Variants in CASTOR2 observed in about 807,000 individuals in gnomAD.
The protein encoded by CASTOR2 is cytosolic arginine sensor for mTORC1 subunit 2, also known as GATS protein like 2.
Under a neutral mutation model 31.2 loss-of-function variants are expected in CASTOR2, and 8 were observed. The observed-to-expected ratio is 0.26, with a 90% CI of 0.15 to 0.46. The LOEUF is 0.46. CASTOR2 is among the 20% of genes least tolerant of loss of function. The pLI, the probability that CASTOR2 is intolerant of heterozygous loss-of-function variation, is 0.99. For synonymous variants in CASTOR2, 162 were observed against 158.7 expected, an observed-to-expected ratio of 1.02 and a Z score of -0.16; for missense variants, 216 against 382.1, an observed-to-expected ratio of 0.57 and a Z score of 3.62.
chr7:75,025,839 G>A lies in CASTOR2; in HGVS notation c.*1140G>A, dbSNP rs1037565904. Among the ~76,000 whole-genome samples, 68 of 152,366 alleles carry A rather than the reference G, an allele frequency of 4.5e-4. 1 individual carries two copies. The highest frequency in any genetic ancestry group is 2.1e-3 in the Admixed American group (32 of 15,306). On this transcript the variant is annotated 3_prime_UTR_variant, in exon 9 of 9. Transcript: ENST00000616305. The stretch of plus-strand genomic sequence containing the variant: ...TCTGTCAAGGGAGCCTGGAGGCTCT[G>A]TGTCACTAAGCTGGTGCTCTGTGGC...
intron 1 of CASTOR2, among the ~76,000 whole-genome samples, chr7:75,004,163 G>A (rs1804559157): frequency 6.6e-6 from 1 of 152,176 alleles, no homozygotes; most frequent in African/African-American, 2.4e-5. Flanking sequence ...GTGACTGTGG[G>A]AGTCCAGGGC....
At chr7:75,020,564 C>T (rs1804971574) in intron 6 of CASTOR2, among the ~76,000 whole-genome samples, 1 of 151,398 alleles carries the variant, frequency 6.6e-6, no homozygotes, top group Non-Finnish European at 1.5e-5. Context: ...TATCTCGGCT[C>T]ACTGCAAGCT....
chr7:75,020,228 C>A (rs2131955934), intron 6 of CASTOR2, 79 bp downstream of exon 6: 2 of 1,260,838 alleles, frequency 1.6e-6, no homozygotes, highest in Non-Finnish European at 2.2e-6. Context: ...GCACATCACC[C>A]ACTTTGTCTT....
At position 75,029,288 on chromosome 7, in the gene CASTOR2, C is replaced by T. The variant is rs1044376902; in HGVS notation, c.*4589C>T. Among the ~76,000 whole-genome samples, 13 of 152,090 alleles carry T rather than the reference C, an allele frequency of 8.5e-5. No individual in the cohort carries two copies. Among genetic ancestry groups the T allele is most frequent in the Non-Finnish European group, 1.9e-4 (13 of 68,012 alleles). On this transcript the variant is annotated 3_prime_UTR_variant, in exon 9 of 9. Transcript: ENST00000616305. ...CCTAGAGATCTGGATGTGGTGACAA[C>T]CAGGGCTTTTCCCAGCCCCAGCTAA...
intron 1 of CASTOR2, among the ~76,000 whole-genome samples, chr7:75,001,215 T>C (rs1804487129): frequency 1.3e-5 from 2 of 152,098 alleles, no homozygotes; most frequent in Admixed American, 1.3e-4. Flanking sequence ...TAGCTGAGAC[T>C]ACAGGGGCAC....
rs994116918 is a variant in CASTOR2, at chr7:75,029,727, G to A, written c.*5028G>A. Among the ~76,000 whole-genome samples, 12 of 152,164 alleles carry A rather than the reference G, an allele frequency of 7.9e-5. No individual in the cohort carries two copies. The highest frequency in any genetic ancestry group is 2.6e-4 in the Admixed American group (4 of 15,266). ...CACCCCCAACCTTCTAGTCCGCTCC[G>A]AGCAGGGCCTGGAGCATTGGAGACA... is the stretch of plus-strand genomic sequence containing the variant. On this transcript the variant is annotated 3_prime_UTR_variant, in exon 9 of 9. Coordinates refer to ENST00000616305, the MANE Select transcript of CASTOR2 (RefSeq NM_001145064.3).
intron 2 of CASTOR2, among the ~76,000 whole-genome samples, chr7:75,013,289 G>A (rs1459114366): frequency 6.6e-6 from 1 of 152,184 alleles, no homozygotes; most frequent in Non-Finnish European, 1.5e-5. Flanking sequence ...TCCTGGGAGG[G>A]CAGGGGATGG....
At position 75,026,803 on chromosome 7, in the gene CASTOR2, A is replaced by AT. The variant is rs1805147393; in HGVS notation, c.*2108dup. Among the ~76,000 whole-genome samples, 2 of 151,662 alleles carry AT rather than the reference A, an allele frequency of 1.3e-5. No individual in the cohort carries two copies. The highest frequency in any genetic ancestry group is 2.4e-5 in the African/African-American group (1 of 41,236). On this transcript the variant is annotated 3_prime_UTR_variant, in exon 9 of 9. Transcript: ENST00000616305. The stretch of plus-strand genomic sequence containing the variant: ...CCCTTTCTGACCTTGCAAGGCCTTG[A>AT]TTTTCCTTTCTGTCATTTCCCCCTG...
chr7:74,972,408 A>G (rs587760019), intron 1 of CASTOR2, among the ~76,000 whole-genome samples: 4 of 151,106 alleles, frequency 2.6e-5, no homozygotes, highest in South Asian at 4.2e-4. Context: ...GGTGTGAGCC[A>G]CCATGCTCAG....
chr7:74,997,336 C>T (rs1329797780), intron 1 of CASTOR2, among the ~76,000 whole-genome samples: 2 of 152,058 alleles, frequency 1.3e-5, no homozygotes, highest in African/African-American at 4.8e-5. Context: ...TTCCTGAAGG[C>T]AGACAGTAGA....
In CASTOR2 at chr7:75,031,517, GAA is replaced by G. The variant is rs34294455; in HGVS notation, c.*6828_*6829del. Reference sequence around the variant, plus strand: ...TACTTTGTAAAGTGTTAATTAAAATGAAAAAAAAAAACGATGCTGGCTGGTGG... The same window carrying G: ...TACTTTGTAAAGTGTTAATTAAAATGAAAAAAAAACGATGCTGGCTGGTGG... On this transcript the variant is annotated 3_prime_UTR_variant, in exon 9 of 9. Transcript: ENST00000616305. 6.8e-6 allele frequency among the ~76,000 whole-genome samples: 1 copy of G among 146,440 alleles called. No homozygotes were observed. Among genetic ancestry groups the G allele is most frequent in the Non-Finnish European group, 1.5e-5 (1 of 66,474 alleles).
chr7:75,024,296 A>G (rs1211892268), intron 7 of CASTOR2, 144 bp from the exon 8 acceptor site: 1 of 877,014 alleles, frequency 1.1e-6, no homozygotes, highest in African/African-American at 1.7e-5. Flanking sequence ...TCTCAAAAAA[A>G]ATAAAAGGGA....
chr7:74,975,922 G>A (rs1465595501), intron 1 of CASTOR2, among the ~76,000 whole-genome samples: 2 of 148,124 alleles, frequency 1.4e-5, no homozygotes, highest in African/African-American at 5.0e-5. Context: ...CCATGGAGAG[G>A]CCCATATGGA....
intron 1 of CASTOR2, among the ~76,000 whole-genome samples, chr7:74,980,511 TTA>T (rs1241272737): frequency 2.2e-5 from 2 of 90,332 alleles, no homozygotes; most frequent in Non-Finnish European, 3.9e-5. Flanking sequence ...ATGGGGAATT[TTA>T]TGTTAGGGAC....
chr7:75,020,266 G>A, intron 6 of CASTOR2, 117 bp downstream of exon 6: 2 of 1,032,292 alleles, frequency 1.9e-6, no homozygotes, highest in South Asian at 1.5e-5. Flanking sequence ...TTTTTGATAC[G>A]GGGTCTCGCT....
At chr7:75,005,792 C>A (rs1450277725) in intron 1 of CASTOR2, among the ~76,000 whole-genome samples, 1 of 152,140 alleles carries the variant, frequency 6.6e-6, no homozygotes, top group Admixed American at 6.6e-5. Context: ...GAGTTCAAGA[C>A]GACAACACAG....
At chr7:74,997,527 G>A (rs1424767980) in intron 1 of CASTOR2, among the ~76,000 whole-genome samples, 2 of 151,658 alleles carry the variant, frequency 1.3e-5, no homozygotes, top group Non-Finnish European at 2.9e-5. Flanking sequence ...CCAGGTTCAA[G>A]CGATTCTTGT....
rs1213093176 is a variant in CASTOR2, at chr7:75,025,717, A to T, written c.*1018A>T. Among the ~76,000 whole-genome samples, 1 of 152,220 alleles carries T rather than the reference A, an allele frequency of 6.6e-6. No homozygotes were observed. The highest frequency in any genetic ancestry group is 1.5e-5 in the Non-Finnish European group (1 of 68,040). ...GCAGCTTAACTGAGCCTTAATAGAG[A>T]AAACCATACTTTGTTTTAGTTTTTT... On this transcript the variant is annotated 3_prime_UTR_variant, in exon 9 of 9. Transcript: ENST00000616305.
chr7:75,009,214 C>T (rs1219765586), intron 2 of CASTOR2, among the ~76,000 whole-genome samples: 1 of 148,220 alleles, frequency 6.7e-6, no homozygotes, highest in East Asian at 2.0e-4. Flanking sequence ...CCTCGTCCTC[C>T]CAAAGTGCTG....
Sources: allele counts gnomAD v4.1 joint callset (sites outside exome capture counted in the v4.1 genomes callset), GRCh38; gene constraint gnomAD v4.1.1; transcripts MANE v1.5; gene names NCBI Gene and HGNC (gene_info 2026-07-23, HGNC 2026-07-21).